The following SDK1 variants were observed in gnomAD, a reference collection of about 807,000 sequenced individuals.
The protein encoded by SDK1 is sidekick cell adhesion molecule 1.
In SDK1, 157 loss-of-function variants were observed where a neutral mutation model predicts 245.5. The ratio of observed to expected loss-of-function variants is 0.64; its 90% confidence interval spans 0.56 to 0.73. The LOEUF is 0.73. Ranked by LOEUF, SDK1 falls within the 30% of genes least tolerant of loss-of-function variation. The pLI is 0.00. For synonymous variants in SDK1, 1,647 were observed against 1,278.5 expected, an observed-to-expected ratio of 1.29 and a Z score of -6.15; for missense variants, 3,583 against 3,002.3, an observed-to-expected ratio of 1.19 and a Z score of -4.52.
chr7:3,445,610 A>G (rs1780318845), intron 1 of SDK1, among the ~76,000 whole-genome samples: 2 of 152,180 alleles, frequency 1.3e-5, no homozygotes, highest in Non-Finnish European at 2.9e-5. Flanking sequence ...ATAATTTAGT[A>G]CACATCAAAA....
At chr7:3,439,628 T>TCTGCA (rs1780135458) in intron 1 of SDK1, among the ~76,000 whole-genome samples, 1 of 152,258 alleles carries the variant, frequency 6.6e-6, no homozygotes, top group African/African-American at 2.4e-5. Flanking sequence ...CTAATGGGAT[T>TCTGCA]TAAAAAGTCA....
At chr7:3,664,054 T>C (rs776901657) in intron 4 of SDK1, among the ~76,000 whole-genome samples, 7 of 152,174 alleles carry the variant, frequency 4.6e-5, no homozygotes, top group Non-Finnish European at 8.8e-5. Context: ...TTATTTTCCC[T>C]TTGTTCTTTT....
intron 30 of SDK1, 98 bp downstream of exon 30, chr7:4,149,561 G>T: frequency 1.3e-6 from 1 of 769,456 alleles, no homozygotes; most frequent in Non-Finnish European, 1.9e-6. Flanking sequence ...GGGCCAAGCA[G>T]GTGCACCCCT....
intron 2 of SDK1, among the ~76,000 whole-genome samples, chr7:3,628,154 C>A (rs1297624021): frequency 6.6e-6 from 1 of 152,042 alleles, no homozygotes; most frequent in Non-Finnish European, 1.5e-5. Context: ...TAATCCCAGG[C>A]CTGAGTGTTT....
chr7:3,429,493 T>G (rs1779770286), intron 1 of SDK1, among the ~76,000 whole-genome samples: 1 of 152,214 alleles, frequency 6.6e-6, no homozygotes, highest in African/African-American at 2.4e-5. Flanking sequence ...GGGGAGTGCA[T>G]CTCTCATTTT....
chr7:4,225,366 C>T (rs752552690), intron 40 of SDK1, among the ~76,000 whole-genome samples: 4 of 152,326 alleles, frequency 2.6e-5, no homozygotes, highest in South Asian at 2.1e-4. Flanking sequence ...CCAGCCTGCT[C>T]GGACAAGCAC....
At chr7:4,253,321 T>C (rs1787429680) in intron 44 of SDK1, among the ~76,000 whole-genome samples, 1 of 152,338 alleles carries the variant, frequency 6.6e-6, no homozygotes, top group East Asian at 1.9e-4. Context: ...AGTTTTAATA[T>C]GTTGTGTTTT....
At chr7:3,665,129 G>A (rs1414949625) in intron 4 of SDK1, among the ~76,000 whole-genome samples, 2 of 152,074 alleles carry the variant, frequency 1.3e-5, no homozygotes, top group Admixed American at 6.5e-5. Flanking sequence ...ATGAAACCTC[G>A]TAGATGGGCC....
chr7:4,080,715 A>AG (rs955932362), intron 22 of SDK1, among the ~76,000 whole-genome samples: 4 of 152,060 alleles, frequency 2.6e-5, no homozygotes, highest in African/African-American at 9.7e-5. Flanking sequence ...TGTGGCGTTG[A>AG]GGGGGTGGGG....
intron 2 of SDK1, among the ~76,000 whole-genome samples, chr7:3,635,761 C>T (rs1400323867): frequency 1.3e-5 from 2 of 152,098 alleles, no homozygotes; most frequent in African/African-American, 4.8e-5. Context: ...GGCTGGAGTG[C>T]AGTGGCACGA....
At position 3,778,987 on chromosome 7, in the gene SDK1, T is replaced by C. The variant is rs143227195; in HGVS notation, c.714-42463T>C. Among the ~76,000 whole-genome samples the C allele has an allele frequency of 3.9e-4, 59 of 152,370 alleles. 1 individual carries two copies. The East Asian group carries it at 0.011, about 28-fold the overall frequency. On this transcript the variant is annotated intron_variant, in intron 4 of 44. Transcript: ENST00000404826. ...CTTAATAGGATTTGAGATTCCATTG[T>C]AGCAGCAGCTTTTATTGCATGACAC...
At chr7:3,567,761 T>A (rs538226827) in intron 1 of SDK1, among the ~76,000 whole-genome samples, 1 of 152,340 alleles carries the variant, frequency 6.6e-6, no homozygotes, top group South Asian at 2.1e-4. Flanking sequence ...GATGGCTGCA[T>A]AACATTCTAC....
At chr7:3,407,899 A>G (rs1161905169) in intron 1 of SDK1, among the ~76,000 whole-genome samples, 1 of 152,180 alleles carries the variant, frequency 6.6e-6, no homozygotes, top group East Asian at 1.9e-4. Flanking sequence ...CTGGAGAAAG[A>G]GGGAAATATA....
chr7:4,221,605 AC>A (rs1785158649), intron 40 of SDK1, among the ~76,000 whole-genome samples: 1 of 152,176 alleles, frequency 6.6e-6, no homozygotes, highest in African/African-American at 2.4e-5. Flanking sequence ...GCCCCAGGAC[AC>A]TTACTTAGGA....
chr7:3,790,462 A>T (rs1781045770), intron 4 of SDK1, among the ~76,000 whole-genome samples: 1 of 152,138 alleles, frequency 6.6e-6, no homozygotes, highest in Non-Finnish European at 1.5e-5. Flanking sequence ...GGAGCTGAGA[A>T]ATCAGAAGCG....
intron 5 of SDK1, among the ~76,000 whole-genome samples, chr7:3,931,163 A>C (rs903069677): frequency 6.6e-6 from 1 of 152,222 alleles, no homozygotes; most frequent in Non-Finnish European, 1.5e-5. Context: ...GGGGCACCCC[A>C]TGGACGAGCA....
intron 4 of SDK1, among the ~76,000 whole-genome samples, chr7:3,815,323 AG>A (rs1283924413): frequency 1.9e-5 from 2 of 104,104 alleles, no homozygotes; most frequent in East Asian, 4.8e-4. Context: ...TTTAGCATGA[AG>A]GGTTGTTGAA....
intron 4 of SDK1, among the ~76,000 whole-genome samples, chr7:3,805,476 G>A (rs547002791): frequency 1.3e-5 from 2 of 152,302 alleles, no homozygotes; most frequent in South Asian, 4.1e-4. Context: ...TATGGTATAA[G>A]ATGTTCTGGG....
At chr7:3,314,844 CTT>C (rs1295332040) in intron 1 of SDK1, among the ~76,000 whole-genome samples, 5 of 152,060 alleles carry the variant, frequency 3.3e-5, no homozygotes, top group Admixed American at 1.3e-4. Context: ...AAAAATTGCT[CTT>C]TCTTGGGTGA....
Sources: allele counts gnomAD v4.1 joint callset (sites outside exome capture counted in the v4.1 genomes callset), GRCh38; gene constraint gnomAD v4.1.1; transcripts MANE v1.5; gene names NCBI Gene and HGNC (gene_info 2026-07-23, HGNC 2026-07-21).